The following DLGAP1 variants were observed in gnomAD, a reference collection of about 807,000 sequenced individuals.
The protein encoded by DLGAP1 is DLG associated protein 1.
In DLGAP1, 11 loss-of-function variants were observed where a neutral mutation model predicts 90.8. The observed-to-expected ratio is 0.12, with a 90% CI of 0.08 to 0.20. DLGAP1 has a LOEUF of 0.20. Ranked by LOEUF, DLGAP1 falls within the 10% of genes least tolerant of loss-of-function variation. DLGAP1 has a pLI of 1.00. For missense variants in DLGAP1, 1,050 were observed against 1,333.8 expected (o/e 0.79, Z 3.31); for synonymous variants, 558 against 540.7 (o/e 1.03, Z -0.44).
intron 7 of DLGAP1, among the ~76,000 whole-genome samples, chr18:3,647,877 G>C (rs775168457): frequency 6.6e-6 from 1 of 152,214 alleles, no homozygotes; most frequent in African/African-American, 2.4e-5. Flanking sequence ...CAGCCAGGAA[G>C]TTATGGCTAC....
chr18:3,741,851 T>TG (rs1168424875), intron 6 of DLGAP1, among the ~76,000 whole-genome samples: 1 of 151,990 alleles, frequency 6.6e-6, no homozygotes, highest in Non-Finnish European at 1.5e-5. Flanking sequence ...CTTTTTCTTT[T>TG]TTTTTAACAG....
chr18:4,017,503 T>G (rs2074542382), intron 2 of DLGAP1, among the ~76,000 whole-genome samples: 2 of 152,212 alleles, frequency 1.3e-5, no homozygotes, highest in Non-Finnish European at 2.9e-5. Context: ...ATTGGATTTT[T>G]ACTCATTTTC....
At chr18:4,099,719 T>G (rs2075749620) in intron 2 of DLGAP1, among the ~76,000 whole-genome samples, 1 of 151,360 alleles carries the variant, frequency 6.6e-6, no homozygotes, top group Non-Finnish European at 1.5e-5. Flanking sequence ...TTTTTTTTTT[T>G]TAGAGTTGAG....
intron 5 of DLGAP1, among the ~76,000 whole-genome samples, chr18:3,757,368 C>T (rs377678726): frequency 6.6e-6 from 1 of 152,076 alleles, no homozygotes. Context: ...AAGACTGTGC[C>T]ATTGCACTCC....
At chr18:3,962,848 C>T (rs566366058) in intron 3 of DLGAP1, among the ~76,000 whole-genome samples, 1 of 152,194 alleles carries the variant, frequency 6.6e-6, no homozygotes. Flanking sequence ...GGTTATTATG[C>T]TTATCTGAAA....
chr18:3,760,617 C>T (rs1207672117), intron 5 of DLGAP1, among the ~76,000 whole-genome samples: 1 of 152,126 alleles, frequency 6.6e-6, no homozygotes, highest in Non-Finnish European at 1.5e-5. Flanking sequence ...CGGTCATACA[C>T]ATGTGGGCAA....
intron 3 of DLGAP1, among the ~76,000 whole-genome samples, chr18:3,997,632 C>A (rs546120060): frequency 1.3e-5 from 2 of 151,594 alleles, no homozygotes; most frequent in East Asian, 3.9e-4. Flanking sequence ...AGAACAGCAC[C>A]ATACAATAGA....
At chr18:4,284,997 G>A (rs1044833021) in intron 1 of DLGAP1, among the ~76,000 whole-genome samples, 8 of 152,166 alleles carry the variant, frequency 5.3e-5, no homozygotes, top group African/African-American at 1.9e-4. Flanking sequence ...CACTAGGAAA[G>A]ATAAAGGGAG....
intron 2 of DLGAP1, among the ~76,000 whole-genome samples, chr18:4,067,267 G>A (rs1484699819): frequency 6.6e-6 from 1 of 151,620 alleles, no homozygotes; most frequent in African/African-American, 2.4e-5. Flanking sequence ...CCATACAACA[G>A]ACACCCATGA....
At chr18:3,553,286 G>C (rs147690150) in intron 9 of DLGAP1, among the ~76,000 whole-genome samples, 17 of 152,124 alleles carry the variant, frequency 1.1e-4, no homozygotes, top group African/African-American at 3.9e-4. Flanking sequence ...ACTATACATA[G>C]GATTATTCCA....
chr18:3,806,637 A>G (rs1245299331), intron 5 of DLGAP1, among the ~76,000 whole-genome samples: 2 of 152,358 alleles, frequency 1.3e-5, no homozygotes, highest in East Asian at 3.9e-4. Flanking sequence ...ACGGGAACAT[A>G]GATATTAAAT....
In DLGAP1 at chr18:3,813,670, T is replaced by G. The variant is rs547283093; in HGVS notation, c.1172+389A>C. On this transcript the variant is annotated intron_variant, in intron 5 of 12. Transcript: ENST00000315677. ...CTCAATTATCTGAAAAATTCAAGAGTCTTAAGAAAAAGTTCTTGTGTGTAC... is the reference window on the plus strand; with the variant it reads ...CTCAATTATCTGAAAAATTCAAGAGGCTTAAGAAAAAGTTCTTGTGTGTAC... Among the ~76,000 whole-genome samples the G allele has an allele frequency of 8.5e-5, 13 of 152,068 alleles. No individual in the cohort carries two copies. In the East Asian group the frequency reaches 1.4e-3, roughly 16 times the overall value.
intron 1 of DLGAP1, among the ~76,000 whole-genome samples, chr18:4,250,302 G>T (rs1197349412): frequency 6.6e-6 from 1 of 152,106 alleles, no homozygotes; most frequent in Non-Finnish European, 1.5e-5. Context: ...ATTACCCTTG[G>T]TATTTATAAT....
chr18:4,243,985 G>A (rs530438944), intron 1 of DLGAP1, among the ~76,000 whole-genome samples: 6 of 152,220 alleles, frequency 3.9e-5, no homozygotes, highest in African/African-American at 7.2e-5. Flanking sequence ...GGTGCCCATG[G>A]TGTAACTTCA....
chr18:3,902,050 G>A (rs1424222072), intron 3 of DLGAP1, among the ~76,000 whole-genome samples: 3 of 152,184 alleles, frequency 2.0e-5, no homozygotes, highest in Non-Finnish European at 4.4e-5. Flanking sequence ...TAGCTGCCTA[G>A]AGCACAGAAC....
chr18:4,340,508 A>G (rs1432095569), intron 1 of DLGAP1, among the ~76,000 whole-genome samples: 16 of 152,228 alleles, frequency 1.1e-4, no homozygotes, highest in Admixed American at 9.8e-4. Flanking sequence ...TCTTAGTAAC[A>G]GCAACATTCA....
At chr18:4,187,843 A>G (rs994211976) in intron 1 of DLGAP1, among the ~76,000 whole-genome samples, 3 of 152,032 alleles carry the variant, frequency 2.0e-5, no homozygotes, top group African/African-American at 7.2e-5. Flanking sequence ...TTAAAAATAC[A>G]AAAATTAGCC....
At chr18:4,108,050 C>T (rs150969515) in intron 2 of DLGAP1, among the ~76,000 whole-genome samples, 126 of 152,306 alleles carry the variant, frequency 8.3e-4, no homozygotes, top group African/African-American at 2.9e-3. Flanking sequence ...TTCCCTCTCT[C>T]CTGAAGCAGA....
chr18:3,964,619 GAGGAAGAGCCTTGA>G (rs1265122610), intron 3 of DLGAP1, among the ~76,000 whole-genome samples: 1 of 152,162 alleles, frequency 6.6e-6, no homozygotes, highest in Non-Finnish European at 1.5e-5. Flanking sequence ...GTGGGCTGAT[GAGGAAGAGCCTTGA>G]AGGAAAAGGG....
Sources: gnomAD v4.1 joint callset for allele counts (sites outside exome capture counted in the v4.1 genomes callset) on GRCh38, gnomAD v4.1.1 for gene constraint, MANE v1.5 for transcripts, NCBI Gene and HGNC (gene_info 2026-07-23, HGNC 2026-07-21) for gene names.